Variants in C7 observed in about 807,000 individuals in gnomAD.
C7 encodes complement C7.
A neutral mutation model predicts 104.8 loss-of-function variants in C7; 83 were observed. The ratio of observed to expected loss-of-function variants is 0.79; its 90% confidence interval spans 0.66 to 0.95. C7 has a LOEUF of 0.95. Ranked by LOEUF, C7 falls within the 40% of genes least tolerant of loss-of-function variation. The pLI, the probability that C7 is intolerant of heterozygous loss-of-function variation, is 0.00. For synonymous variants in C7, 415 were observed against 360.6 expected, an observed-to-expected ratio of 1.15 and a Z score of -1.71; for missense variants, 1,070 against 1,011.2, an observed-to-expected ratio of 1.06 and a Z score of -0.79.
At chr5:40,936,688 C>T (rs1739824903) in intron 5 of C7, among the ~76,000 whole-genome samples, 1 of 152,078 alleles carries the variant, frequency 6.6e-6, no homozygotes, top group Admixed American at 6.6e-5. Flanking sequence ...CAGAGTGACC[C>T]CTTGTCCTGG....
intron 9 of C7, chr5:40,954,891 A>AG: frequency 4.2e-5 from 11 of 264,458 alleles, no homozygotes; most frequent in South Asian, 2.1e-4. Context: ...AAAAAAAAAA[A>AG]AAAAAAAAAA....
At chr5:40,914,601 T>C (rs1284727073) in intron 1 of C7, among the ~76,000 whole-genome samples, 2 of 152,164 alleles carry the variant, frequency 1.3e-5, no homozygotes, top group African/African-American at 4.8e-5. Context: ...TTTCAGGTCT[T>C]ACATTTAAGT....
At chr5:40,936,274 GT>G in intron 4 of C7, 63 bp from the exon 5 acceptor site, 1 of 1,527,606 alleles carries the variant, frequency 6.5e-7, no homozygotes, top group South Asian at 1.1e-5. Context: ...ACCCTTTTTG[GT>G]CCTGGGTAGT....
At position 40,934,351 on chromosome 5, in the gene C7, T is replaced by C; in HGVS notation, c.165T>C (p.Tyr55=). ...CTCGCAGGCGGTCAGTTGCTGTGTA[T>C]GGGCAGTATGGAGGCCAGCCTTGTG... The part of the protein sequence containing the change: ...TQTRRRSVAV[Y]GQYGGQPCVG... The change falls in exon 4 of 18, where the codon TAT becomes TAC. Residue 55 remains tyrosine, a synonymous_variant. Transcript: ENST00000313164. 1 of 1,612,928 alleles carries C rather than the reference T, an allele frequency of 6.2e-7. No homozygotes were observed. The highest frequency in any genetic ancestry group is 8.5e-7 in the Non-Finnish European group (1 of 1,179,350).
At position 40,968,674 on chromosome 5, in the gene C7, C is replaced by T. The variant is rs1444383801; in HGVS notation, c.1883-3729C>T. ...TCACCCATGCTGAAGTGCAGTGGTG[C>T]AATCTTGGCTCACTGTAATCTCTGC... On this transcript the variant is annotated intron_variant, in intron 14 of 17. Transcript: ENST00000313164. Among the ~76,000 whole-genome samples, 11 of 126,888 alleles carry T rather than the reference C, an allele frequency of 8.7e-5. No individual in the cohort carries two copies. The East Asian group carries it at 1.3e-3, about 15-fold the overall frequency. The allele number at this position is 126,888 out of a possible 152,430, so 83.2% of individuals were successfully genotyped here. A position where few individuals can be genotyped will look rare whatever the true frequency, so the allele number is the denominator to read the frequency against.
intron 5 of C7, 171 bp from the exon 6 acceptor site, chr5:40,937,381 T>C (rs1739837576): frequency 2.2e-6 from 1 of 453,666 alleles, no homozygotes; most frequent in South Asian, 6.6e-5. Flanking sequence ...TAATGTATGG[T>C]GTGTATTAGG....
chr5:40,911,916 T>A (rs892796934), intron 1 of C7, among the ~76,000 whole-genome samples: 2 of 150,554 alleles, frequency 1.3e-5, no homozygotes, highest in Non-Finnish European at 3.0e-5. Context: ...TTTTTGTATT[T>A]TTTTTTTTTT....
chr5:40,968,586 ATATATATATATATATTTTTTTTTTTTT>A (rs527417784), intron 14 of C7, among the ~76,000 whole-genome samples: 15,524 of 75,992 alleles, frequency 0.2, 725 homozygotes, highest in African/African-American at 0.28. Context: ...ATATATATAT[ATATATATATATATATTTTTTTTTTTTT>A]TTTTTTTTTT....
At chr5:40,953,486 C>A (rs1052398579) in intron 9 of C7, among the ~76,000 whole-genome samples, 1 of 151,784 alleles carries the variant, frequency 6.6e-6, no homozygotes, top group African/African-American at 2.4e-5. Flanking sequence ...ACTATAAATA[C>A]AAAAATTAGC....
intron 14 of C7, among the ~76,000 whole-genome samples, chr5:40,967,068 GA>G (rs1740570690): frequency 9.0e-6 from 1 of 110,806 alleles, no homozygotes. Context: ...CTTTTCAAAG[GA>G]TTTTTTTTTT....
intron 14 of C7, 75 bp from the exon 15 acceptor site, chr5:40,972,328 C>G: frequency 8.4e-7 from 1 of 1,190,826 alleles, no homozygotes; most frequent in Non-Finnish European, 1.2e-6. Context: ...AGTGTGTCTG[C>G]ATCACATAAG....
In C7 at chr5:40,978,873, A is replaced by ATTTTTTTTT. The variant is rs372551834; in HGVS notation, c.2166-836_2166-828dup. 3.0e-3 allele frequency among the ~76,000 whole-genome samples: 244 copies of ATTTTTTTTT among 80,052 alleles called. 9 individuals carry two copies. Among genetic ancestry groups the ATTTTTTTTT allele is most frequent in the Middle Eastern group, 0.016 (2 of 124 alleles). The allele number at this position is 80,052 out of a possible 152,430, so 52.5% of individuals were successfully genotyped here. On this transcript the variant is annotated intron_variant, in intron 16 of 17. Transcript: ENST00000313164. The stretch of plus-strand genomic sequence containing the variant: ...GAGGAAGGTAACACATTTTATGGAA[A>ATTTTTTTTT]TTTTTTTTTTTTTTTTTTTTTTTTG...
intron 14 of C7, chr5:40,967,893 A>G (rs1366805197): frequency 6.6e-6 from 1 of 152,284 alleles, no homozygotes; most frequent in Non-Finnish European, 1.5e-5. Flanking sequence ...TCTGATGTCT[A>G]GGTATAATTT....
chr5:40,978,140 G>GAAAAAAAAAAAAAAAAAAA (rs869311131), intron 16 of C7, among the ~76,000 whole-genome samples: 2 of 107,634 alleles, frequency 1.9e-5, no homozygotes, highest in African/African-American at 3.7e-5. Flanking sequence ...ATCTCAAAAA[G>GAAAAAAAAAAAAAAAAAAA]AAAAAAAAAA....
intron 1 of C7, among the ~76,000 whole-genome samples, chr5:40,927,460 C>A (rs1230302157): frequency 6.6e-6 from 1 of 151,824 alleles, no homozygotes; most frequent in Non-Finnish European, 1.5e-5. Flanking sequence ...CAGAGATGTA[C>A]AGATTGGGAG....
chr5:40,977,274 A>G (rs559236926), intron 16 of C7, among the ~76,000 whole-genome samples: 1 of 152,358 alleles, frequency 6.6e-6, no homozygotes, highest in South Asian at 2.1e-4. Flanking sequence ...TAAGAATGCC[A>G]CCAACTTGAA....
chr5:40,968,367 C>G (rs759301749), intron 14 of C7, among the ~76,000 whole-genome samples: 1 of 151,732 alleles, frequency 6.6e-6, no homozygotes, highest in Non-Finnish European at 1.5e-5. Flanking sequence ...CTCAAGTAAT[C>G]TGCCTGTCTG....
At chr5:40,922,566 T>C (rs750482136) in intron 1 of C7, among the ~76,000 whole-genome samples, 1 of 150,912 alleles carries the variant, frequency 6.6e-6, no homozygotes, top group East Asian at 2.0e-4. Flanking sequence ...CTGGGTGTGG[T>C]GGCACGTGCC....
At chr5:40,965,648 A>ATTTTTTTTT (rs1554043910) in intron 14 of C7, among the ~76,000 whole-genome samples, 2 of 130,312 alleles carry the variant, frequency 1.5e-5, no homozygotes, top group African/African-American at 3.2e-5. Context: ...ATATATATAT[A>ATTTTTTTTT]TTTTTTTTTT....
Sources: gnomAD v4.1 joint callset for allele counts (sites outside exome capture counted in the v4.1 genomes callset) on GRCh38, gnomAD v4.1.1 for gene constraint, MANE v1.5 for transcripts, NCBI Gene and HGNC (gene_info 2026-07-23, HGNC 2026-07-21) for gene names.